IPO11: variants seen among roughly 807,000 people sequenced by gnomAD.
IPO11 encodes importin 11, also known as importin-11.
In IPO11, 66 loss-of-function variants were observed where a neutral mutation model predicts 143.2. The ratio of observed to expected loss-of-function variants is 0.46; its 90% CI spans 0.38 to 0.57. The LOEUF is 0.57. Ranked by LOEUF, IPO11 falls within the 20% of genes least tolerant of loss-of-function variation. The pLI is 0.00. For synonymous variants in IPO11, 385 were observed against 377.8 expected, an observed-to-expected ratio of 1.02 and a Z score of -0.22; for missense variants, 1,026 against 1,141.0, an observed-to-expected ratio of 0.90 and a Z score of 1.45.
At chr5:62,572,969 C>T (rs1010278094) in intron 27 of IPO11, among the ~76,000 whole-genome samples, 2 of 152,052 alleles carry the variant, frequency 1.3e-5, no homozygotes, top group Non-Finnish European at 1.5e-5. Flanking sequence ...CCGTTTGTTA[C>T]GAAAAACCTC....
chr5:62,483,357 A>G (rs1290185797), intron 10 of IPO11, 64 bp downstream of exon 10: 40 of 963,560 alleles, frequency 4.2e-5, no homozygotes, highest in Non-Finnish European at 6.0e-5. Context: ...AATTGCTATA[A>G]TTACAAACTT....
intron 29 of IPO11, among the ~76,000 whole-genome samples, chr5:62,625,787 A>G (rs1204786915): frequency 1.3e-5 from 2 of 152,234 alleles, no homozygotes; most frequent in Admixed American, 6.5e-5. Flanking sequence ...CTATTATTAG[A>G]CACTTATATA....
chr5:62,523,623 A>G (rs965763825), intron 20 of IPO11, among the ~76,000 whole-genome samples: 2 of 152,216 alleles, frequency 1.3e-5, no homozygotes, highest in African/African-American at 2.4e-5. Flanking sequence ...AAGAAGAACC[A>G]GGAGGTAGCC....
chr5:62,583,227 A>G (rs938096166), intron 27 of IPO11, among the ~76,000 whole-genome samples: 3 of 152,116 alleles, frequency 2.0e-5, no homozygotes, highest in African/African-American at 7.2e-5. Context: ...TTTAATTACT[A>G]AAAGTACTTG....
At chr5:62,605,913 TAGAG>T (rs1208551046) in intron 29 of IPO11, among the ~76,000 whole-genome samples, 6 of 152,002 alleles carry the variant, frequency 3.9e-5, no homozygotes, top group Non-Finnish European at 8.8e-5. Context: ...ACATGTTTTG[TAGAG>T]ACAGGGTCCC....
At chr5:62,622,052 CT>C (rs1226148703) in intron 29 of IPO11, among the ~76,000 whole-genome samples, 3 of 150,032 alleles carry the variant, frequency 2.0e-5, no homozygotes, top group African/African-American at 7.3e-5. Flanking sequence ...TTTTTTTTTT[CT>C]TTTAAGTGTT....
At chr5:62,480,332 G>T (rs1746140718) in intron 9 of IPO11, among the ~76,000 whole-genome samples, 1 of 152,146 alleles carries the variant, frequency 6.6e-6, no homozygotes, top group African/African-American at 2.4e-5. Flanking sequence ...TGCTGTTTTG[G>T]TTACTGTAGC....
intron 20 of IPO11, among the ~76,000 whole-genome samples, chr5:62,517,547 C>A (rs887456673): frequency 6.6e-6 from 1 of 152,108 alleles, no homozygotes; most frequent in Admixed American, 6.5e-5. Flanking sequence ...GGATTACAGG[C>A]ATGCTCCACC....
At chr5:62,521,083 T>C (rs1462102854) in intron 20 of IPO11, among the ~76,000 whole-genome samples, 2 of 152,250 alleles carry the variant, frequency 1.3e-5, no homozygotes, top group Non-Finnish European at 2.9e-5. Context: ...CAGATTCTTA[T>C]GTGCTCTAGT....
intron 16 of IPO11, among the ~76,000 whole-genome samples, chr5:62,499,569 C>CTTTTTTTTTTTTTTTTTTT (rs35545041): frequency 1.0e-5 from 1 of 100,104 alleles, no homozygotes; most frequent in Non-Finnish European, 1.9e-5. Context: ...CTTACTCTAA[C>CTTTTTTTTTTTTTTTTTTT]TTTTTTTTTT....
At chr5:62,472,239 T>C (rs58260058) in intron 7 of IPO11, among the ~76,000 whole-genome samples, 4,909 of 152,300 alleles carry the variant, frequency 0.032, 265 homozygotes, top group African/African-American at 0.11. Context: ...GTCTCAGGAA[T>C]TATATGCAAT....
At chr5:62,459,211 G>A (rs1359196924) in intron 5 of IPO11, among the ~76,000 whole-genome samples, 1 of 152,032 alleles carries the variant, frequency 6.6e-6, no homozygotes, top group African/African-American at 2.4e-5. Context: ...AGAGACTTAG[G>A]GAACTGAAAG....
chr5:62,526,878 A>G (rs1742385227), intron 21 of IPO11: 2 of 152,372 alleles, frequency 1.3e-5, no homozygotes, highest in African/African-American at 4.8e-5. Flanking sequence ...GAAAAGTTTC[A>G]AAATCCCATT....
chr5:62,420,398 T>A (rs1743471073), intron 1 of IPO11, among the ~76,000 whole-genome samples: 2 of 152,160 alleles, frequency 1.3e-5, no homozygotes, highest in South Asian at 2.1e-4. Context: ...GTATGTGCTC[T>A]GCTTTTATAC....
chr5:62,566,060 G>A (rs1743927983), intron 27 of IPO11, among the ~76,000 whole-genome samples: 1 of 151,720 alleles, frequency 6.6e-6, no homozygotes, highest in Non-Finnish European at 1.5e-5. Context: ...ACATGTTTTC[G>A]TTATTGTAAA....
intron 21 of IPO11, chr5:62,526,747 A>G (rs1050896550): frequency 6.5e-6 from 1 of 153,350 alleles, no homozygotes; most frequent in African/African-American, 2.4e-5. Flanking sequence ...GCTCGGTGCT[A>G]CAAAGGCTTA....
At chr5:62,504,724 T>C (rs1462294958) in intron 17 of IPO11, 24 bp downstream of exon 17, 4 of 1,463,868 alleles carry the variant, frequency 2.7e-6, no homozygotes, top group Non-Finnish European at 1.9e-6. Context: ...AATTTAAAAA[T>C]ACTTCATTGC....
intron 27 of IPO11, among the ~76,000 whole-genome samples, chr5:62,574,840 C>T (rs939519426): frequency 6.6e-6 from 1 of 152,122 alleles, no homozygotes; most frequent in Non-Finnish European, 1.5e-5. Context: ...TAATAATGTT[C>T]CTTGAAAGTG....
At chr5:62,551,369 C>T in intron 26 of IPO11, 33 bp downstream of exon 26, 1 of 1,115,848 alleles carries the variant, frequency 9.0e-7, no homozygotes, top group Non-Finnish European at 1.3e-6. Context: ...TTAAGGAAGT[C>T]TTTATCTAAA....
Sources: gnomAD v4.1 joint callset for allele counts (sites outside exome capture counted in the v4.1 genomes callset) on GRCh38, gnomAD v4.1.1 for gene constraint, MANE v1.5 for transcripts, NCBI Gene and HGNC (gene_info 2026-07-23, HGNC 2026-07-21) for gene names.